The following ZFHX3 variants were observed in gnomAD, a reference collection of about 807,000 sequenced individuals.
The protein encoded by ZFHX3 is zinc finger homeobox protein 3.
In ZFHX3, 42 loss-of-function variants were observed where a neutral mutation model predicts 279.1. That is an observed-to-expected ratio of 0.15 (90% CI 0.12 to 0.19). The LOEUF (loss-of-function observed/expected upper bound fraction) is 0.19. ZFHX3 is among the 10% of genes least tolerant of loss of function. ZFHX3 has a pLI of 1.00. For missense variants in ZFHX3, 4,981 were observed against 4,754.0 expected, an observed-to-expected ratio of 1.05 and a Z score of -1.40; for synonymous variants, 2,293 against 1,957.8, an observed-to-expected ratio of 1.17 and a Z score of -4.52.
At chr16:73,827,903 G>GT (rs1366595515) in intron 1 of ZFHX3, among the ~76,000 whole-genome samples, 4 of 71,326 alleles carry the variant, frequency 5.6e-5, no homozygotes, top group East Asian at 9.1e-4. Flanking sequence ...GGAGAGTTCT[G>GT]TAGATGTCTA....
intron 9 of ZFHX3, chr16:72,789,050 G>A (rs1284828514): frequency 3.9e-6 from 2 of 519,224 alleles, no homozygotes; most frequent in African/African-American, 4.0e-5. Flanking sequence ...TCAGTCCTAG[G>A]TCAGCTCCCA....
At chr16:73,090,290 G>T (rs1203763446) in intron 8 of ZFHX3, among the ~76,000 whole-genome samples, 1 of 152,236 alleles carries the variant, frequency 6.6e-6, no homozygotes, top group East Asian at 1.9e-4. Context: ...CTACTCAGGA[G>T]GCTGAGGTGG....
At chr16:72,813,981 A>G (rs1193773698) in intron 5 of ZFHX3, among the ~76,000 whole-genome samples, 1 of 151,970 alleles carries the variant, frequency 6.6e-6, no homozygotes, top group African/African-American at 2.4e-5. Flanking sequence ...GCCCCCAGAA[A>G]CTTCCTTATT....
chr16:73,684,104 G>A (rs1190015982), intron 1 of ZFHX3, among the ~76,000 whole-genome samples: 1 of 152,044 alleles, frequency 6.6e-6, no homozygotes, highest in Admixed American at 6.5e-5. Context: ...CACTAGCCTG[G>A]GCAGCGTAGC....
intron 3 of ZFHX3, among the ~76,000 whole-genome samples, chr16:73,434,582 G>C (rs1447760168): frequency 6.6e-6 from 1 of 150,896 alleles, no homozygotes; most frequent in Admixed American, 6.7e-5. Context: ...ACTTGACTTT[G>C]TGCTGTGTTG....
chr16:73,199,957 T>C (rs1007733668), intron 5 of ZFHX3, among the ~76,000 whole-genome samples: 12 of 152,226 alleles, frequency 7.9e-5, no homozygotes, highest in Non-Finnish European at 1.8e-4. Flanking sequence ...ATTGGATTTA[T>C]TATGATCTTT....
intron 2 of ZFHX3, among the ~76,000 whole-genome samples, chr16:73,630,286 T>G (rs535036867): frequency 2.6e-4 from 40 of 152,256 alleles, no homozygotes; most frequent in African/African-American, 5.8e-4. Context: ...AAAAGGAAAA[T>G]TGGAAATTAA....
chr16:72,995,501 C>A (rs1963252742), intron 1 of ZFHX3, among the ~76,000 whole-genome samples: 1 of 152,196 alleles, frequency 6.6e-6, no homozygotes, highest in Admixed American at 6.5e-5. Context: ...CTGATGGACA[C>A]CTTCTTTGTC....
At chr16:73,329,234 C>A (rs1356414602) in intron 3 of ZFHX3, among the ~76,000 whole-genome samples, 1 of 152,238 alleles carries the variant, frequency 6.6e-6, no homozygotes, top group Non-Finnish European at 1.5e-5. Flanking sequence ...TTCCACAATT[C>A]ATCACGCTCT....
chr16:73,345,999 C>T (rs1007470745), intron 3 of ZFHX3, among the ~76,000 whole-genome samples: 43 of 152,112 alleles, frequency 2.8e-4, no homozygotes, highest in African/African-American at 9.4e-4. Context: ...ATGTATTATT[C>T]CTTGGGGAGG....
intron 5 of ZFHX3, among the ~76,000 whole-genome samples, chr16:73,224,502 C>G (rs988195893): frequency 7.9e-5 from 12 of 152,120 alleles, no homozygotes; most frequent in Non-Finnish European, 1.8e-4. Flanking sequence ...CCTCATCTGA[C>G]CAAGACAAGT....
chr16:73,652,554 G>A (rs1214536464), intron 2 of ZFHX3, among the ~76,000 whole-genome samples: 1 of 152,070 alleles, frequency 6.6e-6, no homozygotes, highest in Non-Finnish European at 1.5e-5. Context: ...CTAAATATGT[G>A]GACTCATTCA....
At chr16:72,962,143 G>A (rs1043141951) in intron 1 of ZFHX3, among the ~76,000 whole-genome samples, 1 of 152,176 alleles carries the variant, frequency 6.6e-6, no homozygotes, top group Admixed American at 6.5e-5. Context: ...AGGAACATGC[G>A]GGAAGGGGGG....
At chr16:73,316,622 G>C (rs749462122) in intron 4 of ZFHX3, among the ~76,000 whole-genome samples, 3 of 152,052 alleles carry the variant, frequency 2.0e-5, no homozygotes, top group Non-Finnish European at 4.4e-5. Flanking sequence ...AAAGGATCTC[G>C]TCTTATACTT....
intron 8 of ZFHX3, among the ~76,000 whole-genome samples, chr16:72,799,327 T>G (rs1214051834): frequency 6.6e-6 from 1 of 152,226 alleles, no homozygotes; most frequent in Non-Finnish European, 1.5e-5. Context: ...AAAATACATT[T>G]TTTTCCCTAC....
intron 5 of ZFHX3, among the ~76,000 whole-genome samples, chr16:73,152,740 G>A (rs1421511503): frequency 4.8e-5 from 6 of 124,588 alleles, no homozygotes; most frequent in Admixed American, 3.9e-4. Flanking sequence ...AAGAGAGAGA[G>A]AGAAAAAAAA....
chr16:73,861,735 C>T (rs1421330364), intron 1 of ZFHX3, among the ~76,000 whole-genome samples: 1 of 152,128 alleles, frequency 6.6e-6, no homozygotes, highest in Non-Finnish European at 1.5e-5. Context: ...TGGCTCACAC[C>T]TGTAATCCCA....
intron 4 of ZFHX3, among the ~76,000 whole-genome samples, chr16:73,316,137 G>A (rs890601011): frequency 1.1e-4 from 17 of 152,218 alleles, no homozygotes; most frequent in Non-Finnish European, 1.8e-4. Flanking sequence ...GAAGCTTCTA[G>A]TCTAACCCAA....
intron 4 of ZFHX3, among the ~76,000 whole-genome samples, chr16:72,888,565 G>A (rs1434117913): frequency 1.3e-5 from 2 of 152,230 alleles, no homozygotes; most frequent in East Asian, 1.9e-4. Context: ...CATGGGGCAG[G>A]CTGAGAACCA....
Sources: allele counts gnomAD v4.1 joint callset (sites outside exome capture counted in the v4.1 genomes callset), GRCh38; gene constraint gnomAD v4.1.1; transcripts MANE v1.5; gene names NCBI Gene and HGNC (gene_info 2026-07-23, HGNC 2026-07-21).